The following STARD13 variants were observed in gnomAD, a reference collection of about 807,000 sequenced individuals.
STARD13 encodes the protein StAR related lipid transfer domain containing 13.
STARD13 carries 62 observed loss-of-function variants against 106.4 expected under a neutral mutation model. The observed-to-expected ratio is 0.58, with a 90% CI of 0.48 to 0.72. The LOEUF (loss-of-function observed/expected upper bound fraction) is 0.72. Among genes scored for constraint, STARD13 ranks in the 30% least tolerant of loss-of-function variants. STARD13 has a pLI of 0.00. For synonymous variants in STARD13, 565 were observed against 553.0 expected, an observed-to-expected ratio of 1.02 and a Z score of -0.31; for missense variants, 1,387 against 1,424.0, an observed-to-expected ratio of 0.97 and a Z score of 0.42.
the STARD13 span, among the ~76,000 whole-genome samples, chr13:33,576,836 G>A: frequency 6.6e-6 from 1 of 152,086 alleles, no homozygotes; most frequent in Non-Finnish European, 1.5e-5. Flanking sequence ...CCTTAATACA[G>A]TTTGATAAAA....
intron 1 of STARD13, among the ~76,000 whole-genome samples, chr13:33,189,206 G>A (rs1007531578): frequency 6.6e-6 from 1 of 151,800 alleles, no homozygotes; most frequent in African/African-American, 2.4e-5. Flanking sequence ...TTTTTTGAGA[G>A]GTGATAGAAA....
upstream of STARD13, among the ~76,000 whole-genome samples, chr13:33,289,728 G>A (rs75186300): frequency 1.6e-3 from 240 of 152,224 alleles, 3 homozygotes; most frequent in East Asian, 0.04. Context: ...CTAAAATCCC[G>A]TGGTGATTGA....
At chr13:33,636,139 CAAAAA>C in the STARD13 span, among the ~76,000 whole-genome samples, 1 of 47,298 alleles carries the variant, frequency 2.1e-5, no homozygotes, top group East Asian at 6.6e-4. Context: ...GACTCTGTCT[CAAAAA>C]AAAAAAAAAA....
chr13:33,420,921 A>C, the STARD13 span, among the ~76,000 whole-genome samples: 3 of 152,250 alleles, frequency 2.0e-5, no homozygotes, highest in South Asian at 6.2e-4. Flanking sequence ...ACAAAGACAA[A>C]ACATACCAGA....
At chr13:33,161,352 T>C (rs766951543) in intron 3 of STARD13, among the ~76,000 whole-genome samples, 2 of 152,002 alleles carry the variant, frequency 1.3e-5, no homozygotes, top group Non-Finnish European at 2.9e-5. Context: ...TCCTGCTCTA[T>C]TACCTAGGCT....
chr13:33,262,225 G>C (rs969830393), intron 1 of STARD13, among the ~76,000 whole-genome samples: 1 of 152,200 alleles, frequency 6.6e-6, no homozygotes, highest in Non-Finnish European at 1.5e-5. Context: ...GTGATGAATA[G>C]GTCTATCAGC....
the STARD13 span, among the ~76,000 whole-genome samples, chr13:33,528,271 T>TATATATATATAC: frequency 1.0e-4 from 13 of 127,240 alleles, no homozygotes; most frequent in East Asian, 1.7e-3. Context: ...TATATATATA[T>TATATATATATAC]ATACTCTTTT....
At chr13:33,628,345 A>G in the STARD13 span, among the ~76,000 whole-genome samples, 1 of 152,150 alleles carries the variant, frequency 6.6e-6, no homozygotes, top group Non-Finnish European at 1.5e-5. Context: ...GTCACTTTTC[A>G]TCCAGTCATG....
At chr13:33,202,680 C>G (rs148712815) in intron 1 of STARD13, among the ~76,000 whole-genome samples, 1 of 152,278 alleles carries the variant, frequency 6.6e-6, no homozygotes, top group East Asian at 1.9e-4. Flanking sequence ...GTTTCAAAGG[C>G]AAGTGATGCT....
chr13:33,140,561 T>G (rs1383911028), intron 4 of STARD13, among the ~76,000 whole-genome samples: 1 of 152,210 alleles, frequency 6.6e-6, no homozygotes, highest in East Asian at 1.9e-4. Context: ...AGCTTAAAGC[T>G]TTGGTTCCCA....
the STARD13 span, among the ~76,000 whole-genome samples, chr13:33,649,045 G>C: frequency 6.6e-6 from 1 of 151,764 alleles, no homozygotes; most frequent in Non-Finnish European, 1.5e-5. Context: ...CGCCTGCCTC[G>C]GCCTCCCAAA....
chr13:33,346,845 G>T (rs1407892042), downstream of STARD13, among the ~76,000 whole-genome samples: 3 of 151,654 alleles, frequency 2.0e-5, no homozygotes, highest in African/African-American at 7.3e-5. Flanking sequence ...CACTATGTTG[G>T]CCAGGCTGTC....
At chr13:33,115,761 T>A (rs1002436890) in intron 8 of STARD13, among the ~76,000 whole-genome samples, 9 of 152,182 alleles carry the variant, frequency 5.9e-5, no homozygotes, top group Admixed American at 6.5e-5. Flanking sequence ...ATGACCCTGA[T>A]AAAAAGAGAC....
At chr13:33,327,555 G>A (rs2077790318) in intron 1 of STARD13, among the ~76,000 whole-genome samples, 1 of 152,066 alleles carries the variant, frequency 6.6e-6, no homozygotes, top group South Asian at 2.1e-4. Context: ...ATTTTTTGTA[G>A]AGATGGGGTC....
intron 3 of STARD13, among the ~76,000 whole-genome samples, chr13:33,162,874 A>G (rs2138343913): frequency 6.6e-6 from 1 of 152,092 alleles, no homozygotes; most frequent in South Asian, 2.1e-4. Context: ...CCCAGTTCCA[A>G]AGTTGTTTCC....
the STARD13 span, among the ~76,000 whole-genome samples, chr13:33,659,405 G>A: frequency 6.6e-6 from 1 of 152,018 alleles, no homozygotes; most frequent in Non-Finnish European, 1.5e-5. Flanking sequence ...TAGTAGAGAT[G>A]GGGTTTCATC....
At chr13:33,115,949 A>C (rs1875306966) in intron 8 of STARD13, among the ~76,000 whole-genome samples, 1 of 152,242 alleles carries the variant, frequency 6.6e-6, no homozygotes, top group Non-Finnish European at 1.5e-5. Flanking sequence ...ATTATGTGAG[A>C]TAATAAAATG....
chr13:33,195,058 T>G (rs1212159667), intron 1 of STARD13, among the ~76,000 whole-genome samples: 1 of 152,242 alleles, frequency 6.6e-6, no homozygotes, highest in Non-Finnish European at 1.5e-5. Flanking sequence ...TTTTATTTAT[T>G]TTCCTTTGTT....
At chr13:33,350,946 TACA>T (rs10571634), upstream of STARD13, among the ~76,000 whole-genome samples, 135,357 of 151,794 alleles carry the variant, frequency 0.89, 62,445 homozygotes, top group East Asian at 1. Context: ...CCTTCACAAC[TACA>T]ACAACAACAA....
Sources: allele counts gnomAD v4.1 joint callset (sites outside exome capture counted in the v4.1 genomes callset), GRCh38; gene constraint gnomAD v4.1.1; transcripts MANE v1.5; gene names NCBI Gene and HGNC (gene_info 2026-07-23, HGNC 2026-07-21).